APOBEC3F: variants seen among roughly 807,000 people sequenced by gnomAD.
The protein encoded by APOBEC3F is apolipoprotein B mRNA editing enzyme catalytic subunit 3F.
In APOBEC3F, 34 loss-of-function variants were observed where a neutral mutation model predicts 45.8. That is an observed-to-expected ratio of 0.74 (90% CI 0.57 to 0.99). APOBEC3F has a LOEUF of 0.99. Ranked by LOEUF, APOBEC3F falls within the 50% of genes least tolerant of loss-of-function variation. The pLI, the probability that APOBEC3F is intolerant of heterozygous loss-of-function variation, is 0.00. For synonymous variants in APOBEC3F, 192 were observed against 174.4 expected, an observed-to-expected ratio of 1.10 and a Z score of -0.80; for missense variants, 459 against 474.1, an observed-to-expected ratio of 0.97 and a Z score of 0.30.
chr22:39,050,806 G>A (rs1927447699), intron 5 of APOBEC3F, among the ~76,000 whole-genome samples: 1 of 152,060 alleles, frequency 6.6e-6, no homozygotes, highest in Non-Finnish European at 1.5e-5. Context: ...CCCAGCAGAA[G>A]GCAGACAGGG....
Position 39,052,910 on chromosome 22 carries a change from A to C in APOBEC3F, c.*215A>C. On this transcript the variant is annotated 3_prime_UTR_variant, in exon 7 of 7. Transcript: ENST00000308521. ...CCTCTTTCTGCCTCCATGGCTATCC[A>C]TCCACCCACCAAGACCCTGTTCCCT... The C allele has an allele frequency of 8.7e-7, 1 of 1,146,050 alleles. No individual in the cohort carries two copies. The highest frequency in any genetic ancestry group is 1.1e-6 in the Non-Finnish European group (1 of 880,558). 71.0% of individuals were successfully genotyped at this position (1,146,050 alleles called of 1,614,324 possible). A position where few individuals can be genotyped will look rare whatever the true frequency, so the allele number is the denominator to read the frequency against.
At position 39,052,092 on chromosome 22, in the gene APOBEC3F, T is replaced by A; in HGVS notation, c.742T>A (p.Cys248Ser). Residue 248 changes from cysteine to serine, a missense_variant, in exon 6 of 7, where the codon TGT (cysteine) becomes AGT (serine). Transcript: ENST00000308521. ...TCCCCAGGTGGATCCTGAGACCCATTGTCATGCAGAAAGGTGCTTCCTCTC... is the reference window on the plus strand; with the variant it reads ...TCCCCAGGTGGATCCTGAGACCCATAGTCATGCAGAAAGGTGCTTCCTCTC... ...FRNQVDPETH[C>S]HAERCFLSWF... The A allele has an allele frequency of 1.2e-6, 2 of 1,612,282 alleles. No homozygotes were observed. Among genetic ancestry groups the A allele is most frequent in the South Asian group, 1.1e-5 (1 of 91,038 alleles).
intron 4 of APOBEC3F, among the ~76,000 whole-genome samples, chr22:39,049,007 AAC>A (rs540897846): frequency 7.1e-3 from 249 of 34,854 alleles, no homozygotes; most frequent in Non-Finnish European, 0.011. Context: ...AAACAAAAAA[AAC>A]AAAAAGAGTA....
rs529248314 is a variant in APOBEC3F at position 39,041,878 on chromosome 22, A to G, written c.17+901A>G. ...ATTTCGTCTCAAAAGAAAAAAAAAC[A>G]AAAACAAAAAACATGGAATATATGG... is the stretch of plus-strand genomic sequence containing the variant. On this transcript the variant is annotated intron_variant, in intron 1 of 6. Transcript: ENST00000308521. Among the ~76,000 whole-genome samples the G allele has an allele frequency of 2.6e-5, 4 of 152,252 alleles. No individual in the cohort carries two copies. The South Asian group carries it at 6.2e-4, about 24-fold the overall frequency.
At chr22:39,051,783 C>G (rs1270882680) in intron 5 of APOBEC3F, among the ~76,000 whole-genome samples, 1 of 151,560 alleles carries the variant, frequency 6.6e-6, no homozygotes, top group African/African-American at 2.4e-5. Flanking sequence ...GAAACCCAGT[C>G]TCTACAAAAA....
chr22:39,047,613 G>A (rs1473965431), intron 4 of APOBEC3F, among the ~76,000 whole-genome samples: 1 of 151,600 alleles, frequency 6.6e-6, no homozygotes, highest in Non-Finnish European at 1.5e-5. Flanking sequence ...CCCAGCGCTA[G>A]TCTCTCTCCC....
intron 6 of APOBEC3F, 80 bp downstream of exon 6, chr22:39,052,433 G>C (rs930659104): frequency 1.3e-6 from 2 of 1,585,860 alleles, no homozygotes; most frequent in African/African-American, 2.7e-5. Flanking sequence ...GCCGTGGGGC[G>C]GGGCAGTGTC....
intron 4 of APOBEC3F, among the ~76,000 whole-genome samples, chr22:39,046,415 C>T (rs1471292244): frequency 3.9e-5 from 6 of 152,008 alleles, no homozygotes; most frequent in Non-Finnish European, 5.9e-5. Flanking sequence ...GTGTCTGTCT[C>T]CCAGGCGAGT....
intron 4 of APOBEC3F, among the ~76,000 whole-genome samples, chr22:39,048,305 G>A (rs1467984268): frequency 1.3e-5 from 2 of 152,118 alleles, no homozygotes; most frequent in African/African-American, 2.4e-5. Context: ...CTGGCACCTC[G>A]TCTGTAAAAT....
At position 39,049,038 on chromosome 22, in the gene APOBEC3F, G is replaced by A. The variant is rs369588589; in HGVS notation, c.567-387G>A. On this transcript the variant is annotated intron_variant, in intron 4 of 6. Transcript: ENST00000308521. ...AAGAGTAGCCTGGGCCTGGGAATTC[G>A]GTGTGATACCAACGTAAAAAGAATC... 5.5e-4 allele frequency among the ~76,000 whole-genome samples: 84 copies of A among 152,118 alleles called. 1 individual carries two copies. The Middle Eastern group carries it at 0.014, about 25-fold the overall frequency.
intron 1 of APOBEC3F, among the ~76,000 whole-genome samples, chr22:39,042,591 C>T (rs1380884986): frequency 6.6e-6 from 1 of 152,104 alleles, no homozygotes; most frequent in Non-Finnish European, 1.5e-5. Flanking sequence ...GGATTACAGG[C>T]ATGAGCCATA....
rs34848590 is a variant in APOBEC3F at position 39,045,644 on chromosome 22, C to G, written c.566+102C>G. On this transcript the variant is annotated intron_variant, in intron 4 of 6. Coordinates refer to ENST00000308521, the MANE Select transcript of APOBEC3F (RefSeq NM_145298.6). ...GCCCTCCTGCCCTCCGTCCTGCCCC[C>G]TGCCTGCCCTCATGGTTACACCCCT... 983 of 1,575,348 alleles carry G rather than the reference C, an allele frequency of 6.2e-4. 9 individuals carry two copies. The African/African-American group carries it at 0.012, about 19-fold the overall frequency.
chr22:39,041,531 C>T (rs1315912195), intron 1 of APOBEC3F, among the ~76,000 whole-genome samples: 2 of 152,086 alleles, frequency 1.3e-5, no homozygotes, highest in Non-Finnish European at 2.9e-5. Flanking sequence ...GCTCCTCCTC[C>T]ACTATCAGCA....
At chr22:39,044,290 G>C (rs538951911) in intron 2 of APOBEC3F, 4 of 1,537,402 alleles carry the variant, frequency 2.6e-6, no homozygotes, top group Non-Finnish European at 2.6e-6. Flanking sequence ...CAGAATTCAC[G>C]CATGAGGCTC....
chr22:39,051,362 C>A (rs2146350088), intron 5 of APOBEC3F, among the ~76,000 whole-genome samples: 1 of 151,108 alleles, frequency 6.6e-6, no homozygotes, highest in African/African-American at 2.4e-5. Context: ...TCGGTGAAAC[C>A]CCATCTCTAC....
intron 4 of APOBEC3F, among the ~76,000 whole-genome samples, chr22:39,046,273 C>T (rs1321012529): frequency 6.6e-6 from 1 of 152,190 alleles, no homozygotes; most frequent in Non-Finnish European, 1.5e-5. Context: ...CTTTAGTGGA[C>T]CTGTCTCCAA....
Position 39,054,681 on chromosome 22 carries a change from C to T in APOBEC3F, c.*1986C>T, listed in dbSNP as rs1601506122. On this transcript the variant is annotated 3_prime_UTR_variant, in exon 7 of 7. Transcript: ENST00000308521. ...TGTTCTCCCAACATGGTGAACACCACCCGGACTGCGTGTATGTCCCAAATT... is the reference window on the plus strand; with the variant it reads ...TGTTCTCCCAACATGGTGAACACCATCCGGACTGCGTGTATGTCCCAAATT... Among the ~76,000 whole-genome samples, 1 of 152,230 alleles carries T rather than the reference C, an allele frequency of 6.6e-6. No individual in the cohort carries two copies. Among genetic ancestry groups the T allele is most frequent in the Admixed American group, 6.5e-5 (1 of 15,280 alleles).
Position 39,052,817 on chromosome 22 carries a change from G to C in APOBEC3F, c.*122G>C. On this transcript the variant is annotated 3_prime_UTR_variant, in exon 7 of 7. Transcript: ENST00000308521. ...TCATCCTGAGCCCCTCCTGGCCTCA[G>C]GGCCATTCCATAGTGCTCCCCTGCC... The C allele has an allele frequency of 6.7e-7, 1 of 1,496,182 alleles. No individual in the cohort carries two copies. The highest frequency in any genetic ancestry group is 2.3e-5 in the Admixed American group (1 of 42,762). The allele number at this position is 1,496,182 out of a possible 1,614,324, so 92.7% of individuals were successfully genotyped here.
At position 39,054,490 on chromosome 22, in the gene APOBEC3F, A is replaced by T. The variant is rs185846055; in HGVS notation, c.*1795A>T. ...CGTGATCCACCCGTCTCGGCCTCCC[A>T]AAGTGCTGGGATTACAGGCGTGAGC... On this transcript the variant is annotated 3_prime_UTR_variant, in exon 7 of 7. Coordinates refer to ENST00000308521, the MANE Select transcript of APOBEC3F (RefSeq NM_145298.6). 1.4e-3 allele frequency among the ~76,000 whole-genome samples: 212 copies of T among 151,912 alleles called. 1 individual carries two copies. The highest frequency in any genetic ancestry group is 5.0e-3 in the African/African-American group (206 of 41,458).
Sources: gnomAD v4.1 joint callset for allele counts (sites outside exome capture counted in the v4.1 genomes callset) on GRCh38, gnomAD v4.1.1 for gene constraint, MANE v1.5 for transcripts, NCBI Gene and HGNC (gene_info 2026-07-23, HGNC 2026-07-21) for gene names.